Variants in CSNK1A1 observed in about 807,000 individuals in gnomAD.
CSNK1A1 encodes the protein casein kinase 1 alpha 1, also known as casein kinase I isoform alpha.
In CSNK1A1, 7 loss-of-function variants were observed where a neutral mutation model predicts 46.1. The observed-to-expected ratio is 0.15, with a 90% CI of 0.09 to 0.29. CSNK1A1 has a LOEUF of 0.29. Ranked by LOEUF, CSNK1A1 falls within the 10% of genes least tolerant of loss-of-function variation. CSNK1A1 has a pLI of 1.00. For missense variants in CSNK1A1, 96 were observed against 417.1 expected, an observed-to-expected ratio of 0.23 and a Z score of 6.71; for synonymous variants, 137 against 141.5, an observed-to-expected ratio of 0.97 and a Z score of 0.23.
At chr5:149,541,409 TC>T (rs1377413080) in intron 2 of CSNK1A1, among the ~76,000 whole-genome samples, 1 of 151,950 alleles carries the variant, frequency 6.6e-6, no homozygotes, top group Non-Finnish European at 1.5e-5. Flanking sequence ...CGCCTTGGCC[TC>T]CCAAAGTGCT....
At chr5:149,528,937 T>C (rs1761801261) in intron 2 of CSNK1A1, among the ~76,000 whole-genome samples, 1 of 152,180 alleles carries the variant, frequency 6.6e-6, no homozygotes, top group Non-Finnish European at 1.5e-5. Context: ...ATTTACTTTC[T>C]AGGCCTTCAA....
intron 2 of CSNK1A1, among the ~76,000 whole-genome samples, chr5:149,540,718 A>G (rs905854366): frequency 5.9e-5 from 9 of 152,132 alleles, no homozygotes; most frequent in African/African-American, 2.2e-4. Context: ...CAATGTGTGC[A>G]TACAAAAAAA....
In CSNK1A1 at chr5:149,551,363, T is replaced by G. The variant is rs1215829824; in HGVS notation, c.-399A>C. ...TGTCACTCCGCGGACGACGCCATCT[T>G]GTTACTCCAGCTCCAGCCAACACAA... is the stretch of plus-strand genomic sequence containing the variant. On this transcript the variant is annotated 5_prime_UTR_variant, in exon 1 of 10. Coordinates refer to ENST00000377843, the MANE Select transcript of CSNK1A1 (RefSeq NM_001892.6). 5.2e-6 allele frequency: 1 copy of G among 193,048 alleles called. No homozygotes were observed. Among genetic ancestry groups the G allele is most frequent in the Non-Finnish European group, 1.1e-5 (1 of 91,960 alleles). The allele number at this position is 193,048 out of a possible 1,614,324, so 12.0% of individuals were successfully genotyped here. A position where few individuals can be genotyped will look rare whatever the true frequency, so the allele number is the denominator to read the frequency against.
At chr5:149,498,235 T>G (rs9791151) in intron 9 of CSNK1A1, 256,172 of 985,104 alleles carry the variant, frequency 0.26, 34,184 homozygotes, top group Admixed American at 0.41. Flanking sequence ...CCCTTTTTTT[T>G]TTTGGGAAAT....
chr5:149,526,215 C>T lies in CSNK1A1; in HGVS notation c.231-1044G>A, dbSNP rs138038070. Among the ~76,000 whole-genome samples the T allele has an allele frequency of 4.2e-3, 637 of 152,250 alleles. 5 individuals carry two copies. Among genetic ancestry groups the T allele is most frequent in the African/African-American group, 0.015 (608 of 41,540 alleles). ...GTGCAGTGGCAAATCACAACTCCTG[C>T]AGCCTTTGACCTTCTGGTCTCAAGC... On this transcript the variant is annotated intron_variant, in intron 2 of 9. Coordinates refer to ENST00000377843, the MANE Select transcript of CSNK1A1 (RefSeq NM_001892.6).
chr5:149,521,268 T>TCC (rs1491391099), intron 3 of CSNK1A1, among the ~76,000 whole-genome samples: 12 of 148,990 alleles, frequency 8.1e-5, no homozygotes, highest in African/African-American at 2.7e-4. Flanking sequence ...GGATTTACTC[T>TCC]TCTTTTTTTT....
chr5:149,501,219 T>C (rs1216641867), intron 9 of CSNK1A1: 1 of 985,284 alleles, frequency 1.0e-6, no homozygotes, highest in African/African-American at 1.7e-5. Context: ...TTCATCCGCA[T>C]TTCCTGTTGG....
chr5:149,551,120 G>A lies in CSNK1A1; in HGVS notation c.-156C>T. On this transcript the variant is annotated 5_prime_UTR_variant, in exon 1 of 10. Coordinates refer to ENST00000377843, the MANE Select transcript of CSNK1A1 (RefSeq NM_001892.6). ...CGGGGTTCGGGGCCCAGAATCAGCA[G>A]AGGGGAACCTGATCACCGCCGCTCA... 1 of 708,454 alleles carries A rather than the reference G, an allele frequency of 1.4e-6. No individual in the cohort carries two copies. Among genetic ancestry groups the A allele is most frequent in the South Asian group, 1.8e-5 (1 of 55,242 alleles). 43.9% of individuals were successfully genotyped at this position (708,454 alleles called of 1,614,324 possible). A position where few individuals can be genotyped will look rare whatever the true frequency, so the allele number is the denominator to read the frequency against.
intron 9 of CSNK1A1, chr5:149,501,191 C>T (rs936299356): frequency 7.1e-6 from 7 of 985,226 alleles, no homozygotes; most frequent in Non-Finnish European, 8.4e-6. Context: ...CAGATGACCA[C>T]AAACCAACTC....
In CSNK1A1 at chr5:149,499,671, T is replaced by TAA. The variant is rs542993054; in HGVS notation, c.1007-2813_1007-2812dup. Reference sequence around the variant, plus strand: ...GCTGTTATGTTGCCCAGGCTGGACTTAAAACTCCTGGGCTCAGGAGATCCT... The same window carrying TAA: ...GCTGTTATGTTGCCCAGGCTGGACTTAAAAAACTCCTGGGCTCAGGAGATCCT... On this transcript the variant is annotated intron_variant, in intron 9 of 9. Transcript: ENST00000377843. Among the ~76,000 whole-genome samples the TAA allele has an allele frequency of 1.8e-4, 27 of 151,786 alleles. No homozygotes were observed. In the East Asian group the frequency reaches 3.7e-3, roughly 21 times the overall value.
In CSNK1A1 at chr5:149,550,342, C is replaced by T. The variant is rs190067384; in HGVS notation, c.124-161G>A. 6 of 1,428,130 alleles carry T rather than the reference C, an allele frequency of 4.2e-6. No homozygotes were observed. In the East Asian group the frequency reaches 1.0e-4, roughly 24 times the overall value. 88.5% of individuals were successfully genotyped at this position (1,428,130 alleles called of 1,614,324 possible). ...GTAATTATAAAACGAGGCAACCAGC[C>T]TCAAAGGCCTCTTCAGGGGGTAGTG... On this transcript the variant is annotated intron_variant, in intron 1 of 9. Transcript: ENST00000377843. This position sits in a 1 kb window ranked among gnomAD's most constrained non-coding sequence, Gnocchi z 4.3.
intron 2 of CSNK1A1, among the ~76,000 whole-genome samples, chr5:149,535,568 A>G (rs1436391255): frequency 6.6e-6 from 1 of 152,214 alleles, no homozygotes; most frequent in Non-Finnish European, 1.5e-5. Context: ...GAAAGAAAAA[A>G]AGAAATCAAA....
At chr5:149,529,338 A>AG (rs1292827286) in intron 2 of CSNK1A1, among the ~76,000 whole-genome samples, 1 of 152,212 alleles carries the variant, frequency 6.6e-6, no homozygotes, top group African/African-American at 2.4e-5. Flanking sequence ...AGAGAAGGCA[A>AG]GGTCTATCTC....
rs1761705619 is a variant in CSNK1A1 at position 149,525,600 on chromosome 5, T to TTCC, written c.231-432_231-430dup. 6.6e-6 allele frequency among the ~76,000 whole-genome samples: 1 copy of TTCC among 152,240 alleles called. No homozygotes were observed. The highest frequency in any genetic ancestry group is 2.1e-4 in the South Asian group (1 of 4,838). On this transcript the variant is annotated intron_variant, in intron 2 of 9. Coordinates refer to ENST00000377843, the MANE Select transcript of CSNK1A1 (RefSeq NM_001892.6). This position sits in a 1 kb window ranked among gnomAD's most constrained non-coding sequence, Gnocchi z 4.2. ...TCTTTTATCTGAACTTCGATTCCAG[T>TTCC]TCCTACCAAATTGCATTTAATCAAT...
chr5:149,544,737 T>TATATATATATATATATA lies in CSNK1A1; in HGVS notation c.230+5337_230+5338insTATATATATATATATAT, dbSNP rs1554118044. Among the ~76,000 whole-genome samples, 384 of 80,762 alleles carry TATATATATATATATATA rather than the reference T, an allele frequency of 4.8e-3. 25 individuals carry two copies. The highest frequency in any genetic ancestry group is 0.014 in the East Asian group (33 of 2,426). 53.0% of individuals were successfully genotyped at this position (80,762 alleles called of 152,430 possible). A position where few individuals can be genotyped will look rare whatever the true frequency, so the allele number is the denominator to read the frequency against. The stretch of plus-strand genomic sequence containing the variant: ...GTGAGGATGATGAGGGTAAAGAGCT[T>TATATATATATATATATA]TATATATATATATATATATATATAT... On this transcript the variant is annotated intron_variant, in intron 2 of 9. Coordinates refer to ENST00000377843, the MANE Select transcript of CSNK1A1 (RefSeq NM_001892.6).
In CSNK1A1 at chr5:149,495,501, AAAG is replaced by A. The variant is rs757835300; in HGVS notation, c.*1349_*1351del. The A allele has an allele frequency of 5.3e-5, 8 of 152,202 alleles. No homozygotes were observed. Among genetic ancestry groups the A allele is most frequent in the East Asian group, 1.9e-4 (1 of 5,192 alleles). 9.4% of individuals were successfully genotyped at this position (152,202 alleles called of 1,614,324 possible). The stretch of plus-strand genomic sequence containing the variant: ...GGAAGCGCACGCACACAGATAACTT[AAAG>A]AAGCAGGAGGGGCTGGGGAGGGTCA... On this transcript the variant is annotated 3_prime_UTR_variant, in exon 10 of 10. Coordinates refer to ENST00000377843, the MANE Select transcript of CSNK1A1 (RefSeq NM_001892.6).
chr5:149,496,491 C>CA lies in CSNK1A1; in HGVS notation c.*361dup, dbSNP rs1271574905. On this transcript the variant is annotated 3_prime_UTR_variant, in exon 10 of 10. Coordinates refer to ENST00000377843, the MANE Select transcript of CSNK1A1 (RefSeq NM_001892.6). ...ATGCCGTTCTTCTGAAATGAGATCT[C>CA]AAAGCAGTATAGTTCAAAACAAAAG... The CA allele has an allele frequency of 4.3e-6, 1 of 231,370 alleles. No individual in the cohort carries two copies. Among genetic ancestry groups the CA allele is most frequent in the Admixed American group, 5.2e-5 (1 of 19,322 alleles). 14.3% of individuals were successfully genotyped at this position (231,370 alleles called of 1,614,324 possible). A position where few individuals can be genotyped will look rare whatever the true frequency, so the allele number is the denominator to read the frequency against.
At chr5:149,546,495 T>C (rs1762487190) in intron 2 of CSNK1A1, among the ~76,000 whole-genome samples, 2 of 151,926 alleles carry the variant, frequency 1.3e-5, no homozygotes, top group Admixed American at 1.3e-4. Flanking sequence ...TAGCTGGGCG[T>C]GGCAGCACGT....
chr5:149,518,644 A>C (rs1761468101), intron 4 of CSNK1A1, among the ~76,000 whole-genome samples: 1 of 152,152 alleles, frequency 6.6e-6, no homozygotes, highest in Non-Finnish European at 1.5e-5. Flanking sequence ...GGCCTCTCTA[A>C]AACAGTGTTA....
Sources: gnomAD v4.1 joint callset for allele counts (sites outside exome capture counted in the v4.1 genomes callset) on GRCh38, gnomAD v4.1.1 for gene constraint, Gnocchi (gnomAD v3.1) non-coding constraint, MANE v1.5 for transcripts, NCBI Gene and HGNC (gene_info 2026-07-23, HGNC 2026-07-21) for gene names.